The following UBR2 variants were observed in gnomAD, a reference collection of about 807,000 sequenced individuals.
UBR2 encodes E3 ubiquitin-protein ligase UBR2.
Under a neutral mutation model 247.9 loss-of-function variants are expected in UBR2, and 92 were observed. The observed-to-expected ratio is 0.37, with a 90% confidence interval of 0.31 to 0.44. The LOEUF (loss-of-function observed/expected upper bound fraction) is 0.44. Ranked by LOEUF, UBR2 falls within the 20% of genes least tolerant of loss-of-function variation. The probability of loss-of-function intolerance (pLI) is 1.00; values close to 1 mark genes in which losing one functional copy is unlikely to be tolerated. For missense variants in UBR2, 1,613 were observed against 2,112.6 expected (o/e 0.76, Z 4.64); for synonymous variants, 672 against 693.5 (o/e 0.97, Z 0.49).
chr6:42,567,177 G>A (rs1013481152), intron 1 of UBR2, among the ~76,000 whole-genome samples: 5 of 151,570 alleles, frequency 3.3e-5, no homozygotes, highest in East Asian at 1.9e-4. Context: ...TTTACACACC[G>A]CTTTTCTTAT....
chr6:42,659,520 T>TATATACAC lies in UBR2; in HGVS notation c.3243-135_3243-134insTATACACA, dbSNP rs1404867350. The TATATACAC allele has an allele frequency of 2.1e-6, 1 of 472,384 alleles. No individual in the cohort carries two copies. Among genetic ancestry groups the TATATACAC allele is most frequent in the African/African-American group, 2.1e-5 (1 of 47,122 alleles). 29.3% of individuals were successfully genotyped at this position (472,384 alleles called of 1,614,324 possible). ...GTCTCAAAAAATAAATAAATATATA[T>TATATACAC]ACACACACACACACACACACACACA... is the stretch of plus-strand genomic sequence containing the variant. On this transcript the variant is annotated intron_variant, in intron 29 of 46. Transcript: ENST00000372901. This position sits in a 1 kb window ranked among gnomAD's most constrained non-coding sequence, Gnocchi z 4.3.
At chr6:42,583,229 C>A (rs1333488284) in intron 2 of UBR2, among the ~76,000 whole-genome samples, 1 of 152,042 alleles carries the variant, frequency 6.6e-6, no homozygotes, top group Admixed American at 6.6e-5. Flanking sequence ...AAAATAGTTT[C>A]TGTGATTTAT....
chr6:42,571,681 T>G (rs1791150403), intron 1 of UBR2, among the ~76,000 whole-genome samples: 1 of 147,604 alleles, frequency 6.8e-6, no homozygotes, highest in Non-Finnish European at 1.5e-5. Flanking sequence ...AGGCAGAGGT[T>G]GCAGTGAGCC....
Position 42,594,677 on chromosome 6 carries a change from T to C in UBR2, c.531+373T>C, listed in dbSNP as rs143782496. Among the ~76,000 whole-genome samples, 78 of 152,330 alleles carry C rather than the reference T, an allele frequency of 5.1e-4. 2 individuals are homozygous for C. In the East Asian group the frequency reaches 8.3e-3, roughly 16 times the overall value. On this transcript the variant is annotated intron_variant, in intron 4 of 46. Transcript: ENST00000372901. ...CTTTTGGGGCCAGATAGCTTTCTTT[T>C]CTGTTACCATACATGACAGCCAATC... is the stretch of plus-strand genomic sequence containing the variant.
chr6:42,687,611 G>A (rs1297081694), intron 44 of UBR2, among the ~76,000 whole-genome samples: 1 of 151,992 alleles, frequency 6.6e-6, no homozygotes, highest in Admixed American at 6.6e-5. Context: ...TGTGATCTTG[G>A]CTCACAGCAA....
At chr6:42,620,866 G>A (rs1268892638) in intron 11 of UBR2, among the ~76,000 whole-genome samples, 3 of 151,788 alleles carry the variant, frequency 2.0e-5, no homozygotes, top group East Asian at 1.9e-4. Flanking sequence ...GTGCAGTGGC[G>A]TGATCTCCAC....
chr6:42,680,990 C>G (rs761778186), intron 42 of UBR2, among the ~76,000 whole-genome samples: 1 of 151,936 alleles, frequency 6.6e-6, no homozygotes, highest in Non-Finnish European at 1.5e-5. Flanking sequence ...GATGAAACCC[C>G]GTCTCTACTA....
At chr6:42,632,105 C>G (rs1473999964) in intron 11 of UBR2, among the ~76,000 whole-genome samples, 1 of 145,170 alleles carries the variant, frequency 6.9e-6, no homozygotes, top group African/African-American at 2.5e-5. Context: ...CACACATGCA[C>G]ACACACACAA....
intron 1 of UBR2, among the ~76,000 whole-genome samples, chr6:42,567,085 C>A (rs527818028): frequency 6.6e-6 from 1 of 152,284 alleles, no homozygotes; most frequent in East Asian, 1.9e-4. Flanking sequence ...AGGCTTTAGA[C>A]CTCTGTCATT....
At chr6:42,631,031 T>G (rs1433554741) in intron 11 of UBR2, among the ~76,000 whole-genome samples, 11 of 152,198 alleles carry the variant, frequency 7.2e-5, no homozygotes, top group Admixed American at 7.2e-4. Context: ...GGTCTCGAAC[T>G]GGGCTCAAAT....
chr6:42,688,085 A>G (rs1226422180), intron 44 of UBR2, 131 bp from the exon 45 acceptor site: 1 of 993,004 alleles, frequency 1.0e-6, no homozygotes, highest in Non-Finnish European at 1.5e-6. Context: ...ATAAACTTGC[A>G]TAGACTGTAG....
chr6:42,638,326 G>A (rs1226645823), intron 15 of UBR2, among the ~76,000 whole-genome samples: 1 of 151,916 alleles, frequency 6.6e-6, no homozygotes, highest in Non-Finnish European at 1.5e-5. Flanking sequence ...AATGTACATG[G>A]GGTCAGTAGT....
At chr6:42,609,378 A>G (rs1426207011) in intron 7 of UBR2, among the ~76,000 whole-genome samples, 1 of 152,054 alleles carries the variant, frequency 6.6e-6, no homozygotes, top group Non-Finnish European at 1.5e-5. Flanking sequence ...TCATTAACAG[A>G]AAAAAAATCA....
At position 42,605,714 on chromosome 6, in the gene UBR2, C is replaced by T; in HGVS notation, c.663-7C>T. On this transcript the variant is annotated splice_polypyrimidine_tract_variant and splice_region_variant and intron_variant, in intron 5 of 46. Coordinates refer to ENST00000372901, the MANE Select transcript of UBR2 (RefSeq NM_001363705.2). ...AGATAATATATCATGAATATTTTAT[C>T]ACACAGAGAGAAGAGTGACACCTAC... 1 of 1,591,054 alleles carries T rather than the reference C, an allele frequency of 6.3e-7. No homozygotes were observed. Among genetic ancestry groups the T allele is most frequent in the South Asian group, 1.2e-5 (1 of 86,174 alleles).
intron 26 of UBR2, 151 bp downstream of exon 26, chr6:42,655,874 G>T: frequency 2.3e-6 from 1 of 429,220 alleles, no homozygotes; most frequent in East Asian, 3.8e-5. Context: ...GTGTAGTAAA[G>T]GTACTGTATT....
intron 11 of UBR2, among the ~76,000 whole-genome samples, chr6:42,628,035 C>G (rs1795464675): frequency 6.6e-6 from 1 of 152,122 alleles, no homozygotes; most frequent in Non-Finnish European, 1.5e-5. Flanking sequence ...TAAATCCCCT[C>G]TTACCCCACT....
intron 34 of UBR2, among the ~76,000 whole-genome samples, 155 bp downstream of exon 34, chr6:42,666,400 G>A (rs1053389342): frequency 6.6e-6 from 1 of 152,160 alleles, no homozygotes; most frequent in Non-Finnish European, 1.5e-5. Flanking sequence ...TGAGACAGGA[G>A]GATAGTGTGA....
chr6:42,679,965 G>T (rs1798936723), intron 42 of UBR2, 133 bp downstream of exon 42: 2 of 613,732 alleles, frequency 3.3e-6, no homozygotes, highest in Non-Finnish European at 5.5e-6. Context: ...ACTATAATGG[G>T]TGGGCCTTTT....
intron 15 of UBR2, among the ~76,000 whole-genome samples, chr6:42,639,529 C>T (rs573346642): frequency 2.8e-4 from 42 of 152,246 alleles, no homozygotes; most frequent in African/African-American, 1.0e-3. Context: ...ACCTGGGAGG[C>T]AGAGGTTGCA....
Sources: gnomAD v4.1 joint callset for allele counts (sites outside exome capture counted in the v4.1 genomes callset) on GRCh38, gnomAD v4.1.1 for gene constraint, Gnocchi (gnomAD v3.1) non-coding constraint, MANE v1.5 for transcripts, NCBI Gene and HGNC (gene_info 2026-07-23, HGNC 2026-07-21) for gene names.